Variants in KCNIP4 observed in about 807,000 individuals in gnomAD.
KCNIP4 encodes the protein potassium voltage-gated channel interacting protein 4.
In KCNIP4, 12 loss-of-function variants were observed where a neutral mutation model predicts 34.0. The observed-to-expected ratio is 0.35, with a 90% confidence interval of 0.23 to 0.57. The LOEUF (loss-of-function observed/expected upper bound fraction) is 0.57, where lower values mean the gene tolerates loss of function less well. Among genes scored for constraint, KCNIP4 ranks in the 20% least tolerant of loss-of-function variants. The pLI is 0.83. For missense variants in KCNIP4, 238 were observed against 311.7 expected, an observed-to-expected ratio of 0.76 and a Z score of 1.78; for synonymous variants, 124 against 102.2, an observed-to-expected ratio of 1.21 and a Z score of -1.29.
At chr4:20,810,673 A>C (rs1457985615) in intron 3 of KCNIP4, among the ~76,000 whole-genome samples, 1 of 152,214 alleles carries the variant, frequency 6.6e-6, no homozygotes, top group Non-Finnish European at 1.5e-5. Context: ...CACCAAGATG[A>C]ACAGAAAGAG....
chr4:21,528,019 G>C (rs182818688), intron 1 of KCNIP4, among the ~76,000 whole-genome samples: 2 of 152,086 alleles, frequency 1.3e-5, no homozygotes, highest in African/African-American at 2.4e-5. Context: ...GAACTGCCAC[G>C]GGGTCGGTCC....
In KCNIP4 at chr4:20,833,484, C is replaced by CAATAATAATAATAATAATAAT. The variant is rs375084319; in HGVS notation, c.288+17038_288+17058dup. Reference sequence around the variant, plus strand: ...TGGGCAACAGAGTGAGACCCCATCTCAATAATAATAATAATAATAATACTT... The same window carrying CAATAATAATAATAATAATAAT: ...TGGGCAACAGAGTGAGACCCCATCTCAATAATAATAATAATAATAATAATAATAATAATAATAATAATACTT... On this transcript the variant is annotated intron_variant, in intron 3 of 8. Transcript: ENST00000382152. Among the ~76,000 whole-genome samples the CAATAATAATAATAATAATAAT allele has an allele frequency of 6.6e-3, 997 of 150,902 alleles. 13 individuals are homozygous for CAATAATAATAATAATAATAAT. Among genetic ancestry groups the CAATAATAATAATAATAATAAT allele is most frequent in the African/African-American group, 0.02 (827 of 40,948 alleles).
At chr4:21,923,027 A>G (rs560194914) in intron 1 of KCNIP4, among the ~76,000 whole-genome samples, 127 of 152,310 alleles carry the variant, frequency 8.3e-4, no homozygotes, top group African/African-American at 3.0e-3. Flanking sequence ...ATGCACGGTG[A>G]CAGATTACAT....
intron 1 of KCNIP4, among the ~76,000 whole-genome samples, chr4:20,994,526 C>G (rs1006993033): frequency 1.3e-5 from 2 of 152,178 alleles, no homozygotes; most frequent in African/African-American, 2.4e-5. Context: ...AAAGGGAACA[C>G]TAAACAATTT....
At chr4:20,903,839 C>T (rs1727427564) in intron 1 of KCNIP4, among the ~76,000 whole-genome samples, 1 of 152,130 alleles carries the variant, frequency 6.6e-6, no homozygotes, top group East Asian at 1.9e-4. Flanking sequence ...TAATGAGAAA[C>T]TAGCAATGCC....
intron 1 of KCNIP4, among the ~76,000 whole-genome samples, chr4:21,868,655 C>T (rs898795606): frequency 2.0e-5 from 3 of 152,192 alleles, no homozygotes; most frequent in African/African-American, 7.2e-5. Context: ...ATTCTATTTC[C>T]TCAAGGAAAC....
At chr4:21,367,479 A>AG (rs1719905503) in intron 1 of KCNIP4, among the ~76,000 whole-genome samples, 1 of 130,812 alleles carries the variant, frequency 7.6e-6, no homozygotes, top group Middle Eastern at 3.2e-3. Flanking sequence ...ACCTAACTGG[A>AG]CATACTTATT....
chr4:21,242,072 G>A (rs1242745336), intron 1 of KCNIP4, among the ~76,000 whole-genome samples: 1 of 149,188 alleles, frequency 6.7e-6, no homozygotes, highest in Admixed American at 6.7e-5. Context: ...GCTGAGGCAG[G>A]AGAATGGCGT....
chr4:21,857,040 C>T (rs955679123), intron 1 of KCNIP4, among the ~76,000 whole-genome samples: 2 of 152,128 alleles, frequency 1.3e-5, no homozygotes, highest in Non-Finnish European at 2.9e-5. Context: ...CAGATAGGCT[C>T]CTGGGTGGAA....
At chr4:20,767,030 A>G (rs1334049957) in intron 3 of KCNIP4, 2 of 152,182 alleles carry the variant, frequency 1.3e-5, no homozygotes, top group Non-Finnish European at 2.9e-5. Context: ...TCTACCTTAC[A>G]CATCATATTT....
chr4:21,563,869 T>C (rs1175469020), intron 1 of KCNIP4, among the ~76,000 whole-genome samples: 1 of 152,058 alleles, frequency 6.6e-6, no homozygotes, highest in African/African-American at 2.4e-5. Flanking sequence ...AGGTTTAGGG[T>C]TATCTATTGC....
At position 21,586,960 on chromosome 4, in the gene KCNIP4, A is replaced by G. The variant is rs1741670406; in HGVS notation, c.61+361611T>C. On this transcript the variant is annotated intron_variant, in intron 1 of 8. Transcript: ENST00000382152. The stretch of plus-strand genomic sequence containing the variant: ...AGGACCATTATTTATAACAAAAAGC[A>G]AAAGCTGTAGTCTTATTCTCGCTAG... Among the ~76,000 whole-genome samples the G allele has an allele frequency of 1.3e-5, 2 of 152,066 alleles. 1 individual carries two copies. The highest frequency in any genetic ancestry group is 4.1e-4 in the South Asian group (2 of 4,828).
rs73802582 is a variant in KCNIP4, at chr4:21,342,770, C to G, written c.62-460061G>C. Among the ~76,000 whole-genome samples the G allele has an allele frequency of 4.1e-3, 625 of 152,206 alleles. 5 individuals are homozygous for G. The highest frequency in any genetic ancestry group is 0.014 in the African/African-American group (573 of 41,540). On this transcript the variant is annotated intron_variant, in intron 1 of 8. Transcript: ENST00000382152. ...CCTACAGGAAAGAAAAAAATCCTGC[C>G]ACTTACGTATATGCACTTTTTTTTT...
chr4:21,021,521 TTTTC>T (rs979297288), intron 1 of KCNIP4, among the ~76,000 whole-genome samples: 4 of 152,132 alleles, frequency 2.6e-5, no homozygotes. Flanking sequence ...TACAAAAATG[TTTTC>T]TTTCTTTATA....
At chr4:21,314,179 C>T (rs910411629) in intron 1 of KCNIP4, among the ~76,000 whole-genome samples, 1 of 152,174 alleles carries the variant, frequency 6.6e-6, no homozygotes, top group Non-Finnish European at 1.5e-5. Flanking sequence ...TGGTAGGTTG[C>T]TCTTTCAATG....
At chr4:21,177,896 AGAAAAATT>A in intron 1 of KCNIP4, among the ~76,000 whole-genome samples, 1 of 148,054 alleles carries the variant, frequency 6.8e-6, no homozygotes, top group African/African-American at 2.6e-5. Context: ...ACATTTAAAA[AGAAAAATT>A]TAAACAAAGT....
chr4:21,657,545 A>C (rs1748063617), intron 1 of KCNIP4, among the ~76,000 whole-genome samples: 1 of 152,198 alleles, frequency 6.6e-6, no homozygotes, highest in Non-Finnish European at 1.5e-5. Context: ...TCATTATTTG[A>C]TATATTATAG....
In KCNIP4 at chr4:20,905,509, C is replaced by CTTTCTTTTTTTTTTTTT. The variant is rs71655610; in HGVS notation, c.62-22801_62-22800insAAAAAAAAAAAAAGAAA. 6.3e-4 allele frequency among the ~76,000 whole-genome samples: 46 copies of CTTTCTTTTTTTTTTTTT among 72,800 alleles called. 1 individual carries two copies. The highest frequency in any genetic ancestry group is 8.8e-4 in the Non-Finnish European group (32 of 36,476). The allele number at this position is 72,800 out of a possible 152,430, so 47.8% of individuals were successfully genotyped here. On this transcript the variant is annotated intron_variant, in intron 1 of 8. Transcript: ENST00000382152. ...ACACAGGTAGTTGAACGTTTTCTTT[C>CTTTCTTTTTTTTTTTTT]TTTTTTTTTTTTTTTTGTTTGAGAT... is the stretch of plus-strand genomic sequence containing the variant.
At chr4:21,247,398 G>A (rs564777837) in intron 1 of KCNIP4, among the ~76,000 whole-genome samples, 1 of 151,864 alleles carries the variant, frequency 6.6e-6, no homozygotes, top group African/African-American at 2.4e-5. Context: ...TTCTCTATAG[G>A]AGGGTACAAT....
Sources: gnomAD v4.1 joint callset for allele counts (sites outside exome capture counted in the v4.1 genomes callset) on GRCh38, gnomAD v4.1.1 for gene constraint, MANE v1.5 for transcripts, NCBI Gene and HGNC (gene_info 2026-07-23, HGNC 2026-07-21) for gene names.